Variants in CALN1 observed in about 807,000 individuals in gnomAD.
CALN1 encodes the protein calneuron 1, also known as calcium-binding protein 8.
CALN1 carries 17 observed loss-of-function variants against 30.6 expected under a neutral mutation model. The observed-to-expected ratio is 0.56, with a 90% CI of 0.38 to 0.83. The LOEUF (loss-of-function observed/expected upper bound fraction) is 0.83. Ranked by LOEUF, CALN1 falls within the 40% of genes least tolerant of loss-of-function variation. CALN1 has a pLI of 0.00. For synonymous variants in CALN1, 156 were observed against 131.4 expected (o/e 1.19, Z -1.28); for missense variants, 291 against 354.9 (o/e 0.82, Z 1.45).
intron 5 of CALN1, among the ~76,000 whole-genome samples, chr7:71,948,352 G>C (rs1796511738): frequency 6.6e-6 from 1 of 152,104 alleles, no homozygotes; most frequent in African/African-American, 2.4e-5. Context: ...CAAATGCTCA[G>C]TTTCTCTATT....
At position 72,237,736 on chromosome 7, in the gene CALN1, G is replaced by A. The variant is rs780464827; in HGVS notation, c.244+40950C>T. ...AAATGACCAACACAAAAGCAAGACA[G>A]AGAGAAACCCTTCCTTCTTCTAGCC... On this transcript the variant is annotated intron_variant, in intron 3 of 6. Coordinates refer to ENST00000395275, the MANE Select transcript of CALN1 (RefSeq NM_031468.4). 5.3e-5 allele frequency among the ~76,000 whole-genome samples: 8 copies of A among 152,198 alleles called. No individual in the cohort carries two copies. In the East Asian group the frequency reaches 7.7e-4, roughly 15 times the overall value.
At chr7:72,359,524 T>C in intron 2 of CALN1, among the ~76,000 whole-genome samples, 1 of 152,140 alleles carries the variant, frequency 6.6e-6, no homozygotes, top group Non-Finnish European at 1.5e-5. Context: ...GTACATATAG[T>C]GAGGTATAGG....
chr7:72,351,865 T>C (rs1475408666), intron 2 of CALN1, among the ~76,000 whole-genome samples: 1 of 152,196 alleles, frequency 6.6e-6, no homozygotes, highest in African/African-American at 2.4e-5. Context: ...TGTGAACCAC[T>C]ACCAAATTTG....
At chr7:72,216,426 T>A (rs758354547) in intron 3 of CALN1, among the ~76,000 whole-genome samples, 1 of 151,384 alleles carries the variant, frequency 6.6e-6, no homozygotes, top group African/African-American at 2.4e-5. Context: ...AAAAAAAACA[T>A]TAAAGATAAA....
chr7:72,405,839 T>C (rs748948500), intron 1 of CALN1, among the ~76,000 whole-genome samples: 11 of 152,180 alleles, frequency 7.2e-5, no homozygotes, highest in Non-Finnish European at 1.3e-4. Flanking sequence ...TAGCTCCCCA[T>C]ATGCAAAAAC....
At chr7:72,375,940 T>G (rs1011176818) in intron 2 of CALN1, among the ~76,000 whole-genome samples, 2 of 152,200 alleles carry the variant, frequency 1.3e-5, no homozygotes, top group African/African-American at 4.8e-5. Flanking sequence ...TCCCAAACAC[T>G]TATCTACATT....
rs1229817810 is a variant in CALN1, at chr7:72,336,665, C to T, written c.120-57855G>A. The T allele has an allele frequency of 8.1e-6, 8 of 982,366 alleles. No individual in the cohort carries two copies. In the African/African-American group the frequency reaches 1.2e-4, roughly 15 times the overall value. The allele number at this position is 982,366 out of a possible 1,614,324, so 60.9% of individuals were successfully genotyped here. ...ACCGAGGGAAGAAGAAAAGAGAGCG[C>T]GCGCGCGGGTAAGCTAGGGAGCCGG... is the stretch of plus-strand genomic sequence containing the variant. On this transcript the variant is annotated intron_variant, in intron 2 of 6. Transcript: ENST00000395275.
chr7:71,846,862 G>GTATGTATATAGAATATATACACACATA (rs1790279294), intron 5 of CALN1, among the ~76,000 whole-genome samples: 1 of 141,202 alleles, frequency 7.1e-6, no homozygotes. Context: ...ATGTATATAT[G>GTATGTATATAGAATATATACACACATA]TATGTATATA....
Position 72,290,806 on chromosome 7 carries a change from A to C in CALN1, c.120-11996T>G, listed in dbSNP as rs573849628. ...AACCTGTCTACTGAATTTTTCATTT[A>C]CATGACTGTATTTTCCATTTCCAGA... is the stretch of plus-strand genomic sequence containing the variant. On this transcript the variant is annotated intron_variant, in intron 2 of 6. Transcript: ENST00000395275. 3.9e-5 allele frequency among the ~76,000 whole-genome samples: 6 copies of C among 152,296 alleles called. No homozygotes were observed. In the South Asian group the frequency reaches 1.0e-3, roughly 26 times the overall value.
At chr7:72,307,527 T>C (rs1295354994) in intron 2 of CALN1, among the ~76,000 whole-genome samples, 1 of 152,190 alleles carries the variant, frequency 6.6e-6, no homozygotes, top group African/African-American at 2.4e-5. Context: ...TCGGATGGTA[T>C]CAGAGCAGAA....
intron 6 of CALN1, among the ~76,000 whole-genome samples, chr7:71,805,620 A>G (rs1787560302): frequency 6.6e-6 from 1 of 152,010 alleles, no homozygotes; most frequent in Non-Finnish European, 1.5e-5. Flanking sequence ...ACAAAAATAA[A>G]CCAAATTTGA....
intron 5 of CALN1, among the ~76,000 whole-genome samples, chr7:71,994,527 A>AAAAAAAAAAAAAAAAC (rs1562962962): frequency 6.6e-6 from 1 of 151,742 alleles, no homozygotes; most frequent in African/African-American, 2.4e-5. Flanking sequence ...AAAAAAAAAA[A>AAAAAAAAAAAAAAAAC]AAAAAACAGT....
At chr7:72,362,747 A>T (rs914426964) in intron 2 of CALN1, among the ~76,000 whole-genome samples, 3 of 152,094 alleles carry the variant, frequency 2.0e-5, no homozygotes, top group African/African-American at 7.2e-5. Flanking sequence ...CCCCTCCTGC[A>T]GCCTTTCTTC....
At position 71,924,433 on chromosome 7, in the gene CALN1, T is replaced by A. The variant is rs568338122; in HGVS notation, c.501+99224A>T. 1.6e-3 allele frequency among the ~76,000 whole-genome samples: 233 copies of A among 145,166 alleles called. 1 individual carries two copies. The highest frequency in any genetic ancestry group is 5.4e-3 in the African/African-American group (220 of 40,788). ...CTTAATATATACAAAAGAATGTTTATATATTACTTTCAAGGCAATGATCAT... is the reference window on the plus strand; with the variant it reads ...CTTAATATATACAAAAGAATGTTTAAATATTACTTTCAAGGCAATGATCAT... On this transcript the variant is annotated intron_variant, in intron 5 of 6. Coordinates refer to ENST00000395275, the MANE Select transcript of CALN1 (RefSeq NM_031468.4).
chr7:72,500,831 C>T, the CALN1 span, among the ~76,000 whole-genome samples: 1 of 151,846 alleles, frequency 6.6e-6, no homozygotes, highest in Non-Finnish European at 1.5e-5. Context: ...TCCAGATTCA[C>T]TGTGTATTAA....
chr7:72,163,852 G>C (rs182364080), intron 3 of CALN1, among the ~76,000 whole-genome samples: 1 of 152,146 alleles, frequency 6.6e-6, no homozygotes, highest in Non-Finnish European at 1.5e-5. Flanking sequence ...CATAAAAGAA[G>C]AAATATTTGA....
chr7:71,801,416 G>GTATCTATCTATC (rs1245370935), intron 6 of CALN1, among the ~76,000 whole-genome samples: 100 of 108,102 alleles, frequency 9.3e-4, no homozygotes, highest in South Asian at 1.7e-3. Context: ...ATGTATGTAT[G>GTATCTATCTATC]TATGTATGTA....
At chr7:72,390,341 G>C (rs1454429204) in intron 2 of CALN1, among the ~76,000 whole-genome samples, 2 of 152,110 alleles carry the variant, frequency 1.3e-5, no homozygotes, top group Non-Finnish European at 2.9e-5. Context: ...TGAGGCAGGA[G>C]AATCACTTGA....
At chr7:72,012,998 A>T (rs1443139665) in intron 5 of CALN1, among the ~76,000 whole-genome samples, 3 of 152,052 alleles carry the variant, frequency 2.0e-5, no homozygotes, top group African/African-American at 7.2e-5. Context: ...GGGTTTTACC[A>T]TAATGGTCAG....
Sources: allele counts gnomAD v4.1 joint callset (sites outside exome capture counted in the v4.1 genomes callset), GRCh38; gene constraint gnomAD v4.1.1; transcripts MANE v1.5; gene names NCBI Gene and HGNC (gene_info 2026-07-23, HGNC 2026-07-21).